Variants in FTO observed in about 807,000 individuals in gnomAD.
FTO encodes the protein FTO alpha-ketoglutarate dependent dioxygenase, also known as alpha-ketoglutarate-dependent dioxygenase FTO.
A neutral mutation model predicts 63.9 loss-of-function variants in FTO; 47 were observed. The observed-to-expected ratio is 0.74, with a 90% CI of 0.58 to 0.94. The LOEUF (loss-of-function observed/expected upper bound fraction) is 0.94. Ranked by LOEUF, FTO falls within the 40% of genes least tolerant of loss-of-function variation. The pLI is 0.00. For synonymous variants in FTO, 207 were observed against 224.4 expected (o/e 0.92, Z 0.69); for missense variants, 562 against 618.1 (o/e 0.91, Z 0.96).
chr16:53,917,890 A>C (rs1033671443), intron 7 of FTO, among the ~76,000 whole-genome samples: 11 of 151,880 alleles, frequency 7.2e-5, no homozygotes, highest in Non-Finnish European at 1.5e-4. Context: ...AAGTACAGCA[A>C]CTCTGCCCGT....
intron 4 of FTO, among the ~76,000 whole-genome samples, chr16:53,854,517 A>G (rs1441186936): frequency 6.6e-6 from 1 of 152,182 alleles, no homozygotes; most frequent in Non-Finnish European, 1.5e-5. Flanking sequence ...ACATGTGGCT[A>G]TCCAATGTTC....
chr16:53,723,387 C>T (rs2076084279), intron 1 of FTO, among the ~76,000 whole-genome samples: 1 of 152,146 alleles, frequency 6.6e-6, no homozygotes, highest in South Asian at 2.1e-4. Flanking sequence ...CTGGAGGCAA[C>T]TGGTACTCCT....
At chr16:54,076,051 A>G (rs1430699096) in intron 8 of FTO, among the ~76,000 whole-genome samples, 4 of 152,154 alleles carry the variant, frequency 2.6e-5, no homozygotes, top group Admixed American at 6.5e-5. Flanking sequence ...ACAATCCTCC[A>G]AGACAAGCAG....
chr16:53,937,430 C>A (rs146982319), intron 8 of FTO: 3 of 393,652 alleles, frequency 7.6e-6, no homozygotes, highest in Non-Finnish European at 1.3e-5. Flanking sequence ...TCTTGACCTG[C>A]GTAGCCCAAA....
At position 53,919,491 on chromosome 16, in the gene FTO, A is replaced by G. The variant is rs114678024; in HGVS notation, c.1240-14494A>G. Among the ~76,000 whole-genome samples the G allele has an allele frequency of 3.3e-3, 495 of 152,296 alleles. 1 individual carries two copies. Among genetic ancestry groups the G allele is most frequent in the African/African-American group, 0.011 (464 of 41,556 alleles). ...CTACTGGGTGTCTACCCAAAGGAAA[A>G]GAATTCATTATACAAAAAAAGATAC... On this transcript the variant is annotated intron_variant, in intron 7 of 8. Coordinates refer to ENST00000471389, the MANE Select transcript of FTO (RefSeq NM_001080432.3).
chr16:53,806,308 T>C (rs1470879375), intron 1 of FTO, among the ~76,000 whole-genome samples: 1 of 152,222 alleles, frequency 6.6e-6, no homozygotes, highest in Non-Finnish European at 1.5e-5. Context: ...GAATTGGTAA[T>C]AGGTAAGACG....
intron 1 of FTO, among the ~76,000 whole-genome samples, chr16:53,707,159 G>A (rs944132415): frequency 1.3e-5 from 2 of 152,174 alleles, no homozygotes; most frequent in African/African-American, 4.8e-5. Flanking sequence ...ATGAGGCATT[G>A]AAATCAAGGC....
intron 6 of FTO, among the ~76,000 whole-genome samples, chr16:53,882,092 A>G (rs2080853108): frequency 6.6e-6 from 1 of 152,200 alleles, no homozygotes; most frequent in African/African-American, 2.4e-5. Flanking sequence ...AAAAGAAAAA[A>G]AGGAGACACT....
At chr16:53,780,258 T>C (rs1361360955) in intron 1 of FTO, among the ~76,000 whole-genome samples, 4 of 151,958 alleles carry the variant, frequency 2.6e-5, no homozygotes, top group South Asian at 2.1e-4. Context: ...ACCAGACTGG[T>C]TCTTCCTTAG....
At chr16:54,080,367 T>G (rs2086112960) in intron 8 of FTO, among the ~76,000 whole-genome samples, 1 of 152,186 alleles carries the variant, frequency 6.6e-6, no homozygotes, top group African/African-American at 2.4e-5. Context: ...AGTCACTGAG[T>G]GCCAGGCATT....
At chr16:53,824,396 G>A (rs2078948657) in intron 2 of FTO, among the ~76,000 whole-genome samples, 1 of 152,156 alleles carries the variant, frequency 6.6e-6, no homozygotes, top group Non-Finnish European at 1.5e-5. Flanking sequence ...TATTTCTGGT[G>A]CCTTCTTTTC....
Position 53,860,881 on chromosome 16 carries a change from A to AGC in FTO, c.896-12905_896-12904insGC, listed in dbSNP as rs540501345. Among the ~76,000 whole-genome samples the AGC allele has an allele frequency of 1.1e-3, 160 of 145,830 alleles. 1 individual carries two copies. Among genetic ancestry groups the AGC allele is most frequent in the African/African-American group, 3.7e-3 (150 of 40,004 alleles). On this transcript the variant is annotated intron_variant, in intron 4 of 8. Coordinates refer to ENST00000471389, the MANE Select transcript of FTO (RefSeq NM_001080432.3). ...AAGAGAGTAGATCTTAAATGTTTTT[A>AGC]ACACACACACACACACACACACACA...
At chr16:53,788,999 A>T (rs2077824890) in intron 1 of FTO, among the ~76,000 whole-genome samples, 1 of 152,212 alleles carries the variant, frequency 6.6e-6, no homozygotes, top group African/African-American at 2.4e-5. Context: ...AAATTCTGTT[A>T]TAGTCATGCA....
chr16:53,855,429 C>T (rs1312104606), intron 4 of FTO, among the ~76,000 whole-genome samples: 1 of 152,112 alleles, frequency 6.6e-6, no homozygotes, highest in Non-Finnish European at 1.5e-5. Context: ...TTCTTCCAGG[C>T]AAGGACTGTT....
intron 3 of FTO, among the ~76,000 whole-genome samples, chr16:53,839,795 A>T (rs1377244080): frequency 3.0e-5 from 3 of 100,952 alleles, no homozygotes; most frequent in African/African-American, 4.4e-5. Context: ...TTATTTATTT[A>T]TTTATTTATT....
At chr16:53,922,693 A>G (rs887134954) in intron 7 of FTO, among the ~76,000 whole-genome samples, 2 of 152,202 alleles carry the variant, frequency 1.3e-5, no homozygotes, top group African/African-American at 2.4e-5. Flanking sequence ...AAGCTAATAG[A>G]CTGCAAGTTG....
rs547534640 is a variant in FTO, at chr16:53,807,126, T to C, written c.46-3014T>C. Among the ~76,000 whole-genome samples the C allele has an allele frequency of 6.6e-5, 10 of 152,356 alleles. No individual in the cohort carries two copies. The South Asian group carries it at 8.3e-4, about 13-fold the overall frequency. The stretch of plus-strand genomic sequence containing the variant: ...CTCTTTATGTTTGTAAATATTGTTA[T>C]TTAATACTTGATCTTGTCAGTTACT... On this transcript the variant is annotated intron_variant, in intron 1 of 8. Coordinates refer to ENST00000471389, the MANE Select transcript of FTO (RefSeq NM_001080432.3).
intron 7 of FTO, among the ~76,000 whole-genome samples, chr16:53,911,685 G>A (rs2081711801): frequency 6.6e-6 from 1 of 152,200 alleles, no homozygotes; most frequent in Admixed American, 6.5e-5. Context: ...CCAGAAATCA[G>A]CCTGTAAACA....
intron 8 of FTO, chr16:53,937,380 A>C (rs1300149775): frequency 2.5e-6 from 1 of 397,250 alleles, no homozygotes; most frequent in Non-Finnish European, 4.4e-6. Context: ...AGCTTGTTAT[A>C]GCTTTTAAAG....
Sources: gnomAD v4.1 joint callset for allele counts (sites outside exome capture counted in the v4.1 genomes callset) on GRCh38, gnomAD v4.1.1 for gene constraint, MANE v1.5 for transcripts, NCBI Gene and HGNC (gene_info 2026-07-23, HGNC 2026-07-21) for gene names.